Variants in TCF20 observed in about 807,000 individuals in gnomAD.
TCF20 encodes the protein transcription factor 20, also known as SPRE-binding protein.
TCF20 carries 3 observed loss-of-function variants against 148.6 expected under a neutral mutation model. The ratio of observed to expected loss-of-function variants is 0.02; its 90% CI spans 0.01 to 0.05. The LOEUF (loss-of-function observed/expected upper bound fraction) is 0.05. TCF20 is among the 10% of genes least tolerant of loss of function. TCF20 has a pLI of 1.00. For synonymous variants in TCF20, 1,049 were observed against 909.5 expected (o/e 1.15, Z -2.76); for missense variants, 2,350 against 2,429.3 (o/e 0.97, Z 0.69).
chr22:42,231,810 T>C (rs1457952241), intron 1 of TCF20, among the ~76,000 whole-genome samples: 2 of 151,364 alleles, frequency 1.3e-5, no homozygotes, highest in African/African-American at 4.9e-5. Context: ...GCACCTGTAG[T>C]CCCAGCTACT....
chr22:42,298,737 C>T (rs1927279470), intron 1 of TCF20, among the ~76,000 whole-genome samples: 2 of 152,248 alleles, frequency 1.3e-5, no homozygotes, highest in African/African-American at 4.8e-5. Flanking sequence ...TCTGCACTTG[C>T]CTTTTGTGGG....
chr22:42,327,648 A>T (rs969893732), intron 1 of TCF20, among the ~76,000 whole-genome samples: 1 of 152,046 alleles, frequency 6.6e-6, no homozygotes, highest in Non-Finnish European at 1.5e-5. Context: ...CGAGGCTCAG[A>T]GATGGCACCC....
intron 3 of TCF20, among the ~76,000 whole-genome samples, chr22:42,177,753 G>A (rs1484414978): frequency 2.0e-5 from 3 of 152,150 alleles, no homozygotes; most frequent in Non-Finnish European, 4.4e-5. Context: ...CCTGATTCCT[G>A]GCACAGACCT....
intron 1 of TCF20, among the ~76,000 whole-genome samples, chr22:42,233,486 A>C (rs1217736929): frequency 6.6e-6 from 1 of 152,208 alleles, no homozygotes; most frequent in Non-Finnish European, 1.5e-5. Context: ...TGCGTGAATA[A>C]TACCAGCTTT....
intron 5 of TCF20, among the ~76,000 whole-genome samples, chr22:42,164,170 G>T (rs1935631896): frequency 6.6e-6 from 1 of 151,524 alleles, no homozygotes; most frequent in Admixed American, 6.6e-5. Flanking sequence ...CGATGGTCAG[G>T]GTCCAAGAGC....
At chr22:42,205,810 C>T (rs892380166) in intron 2 of TCF20, among the ~76,000 whole-genome samples, 20 of 152,286 alleles carry the variant, frequency 1.3e-4, no homozygotes, top group East Asian at 9.6e-4. Context: ...CCCACTCAGT[C>T]GCCCAGGCTA....
At chr22:42,306,802 G>A (rs1169780082) in intron 1 of TCF20, among the ~76,000 whole-genome samples, 3 of 152,162 alleles carry the variant, frequency 2.0e-5, no homozygotes, top group Non-Finnish European at 4.4e-5. Context: ...ACTTTGGGAG[G>A]CCAAGGTGGG....
intron 1 of TCF20, among the ~76,000 whole-genome samples, chr22:42,251,739 G>A (rs1254998609): frequency 2.0e-5 from 3 of 151,346 alleles, no homozygotes; most frequent in African/African-American, 7.3e-5. Context: ...CTGAGCTCAA[G>A]TGATCTGCCC....
chr22:42,188,690 C>G (rs1319744235), intron 2 of TCF20, among the ~76,000 whole-genome samples: 1 of 152,168 alleles, frequency 6.6e-6, no homozygotes, highest in African/African-American at 2.4e-5. Context: ...TCTCAGGGCT[C>G]TTTTCTTTGA....
chr22:42,326,577 G>A (rs984890327), intron 1 of TCF20, among the ~76,000 whole-genome samples: 1 of 152,202 alleles, frequency 6.6e-6, no homozygotes, highest in Non-Finnish European at 1.5e-5. Context: ...GGGTAAGGAT[G>A]GGGGCCACCA....
chr22:42,342,868 T>C (rs551407913), intron 1 of TCF20, among the ~76,000 whole-genome samples: 1 of 152,258 alleles, frequency 6.6e-6, no homozygotes, highest in South Asian at 2.1e-4. Context: ...TTCCCTAGGC[T>C]GGACACCCAA....
intron 1 of TCF20, among the ~76,000 whole-genome samples, chr22:42,330,350 CG>C (rs992464454): frequency 6.6e-6 from 1 of 152,168 alleles, no homozygotes; most frequent in Admixed American, 6.5e-5. Flanking sequence ...GCAGTGTCCC[CG>C]GGTGCCCAAC....
chr22:42,274,186 A>T (rs2147009282), upstream of TCF20: 1 of 152,838 alleles, frequency 6.5e-6, no homozygotes, highest in Non-Finnish European at 1.5e-5. Flanking sequence ...GTCTGCCAGG[A>T]GGCAACTTAC....
chr22:42,287,249 G>A (rs866665717), upstream of TCF20, among the ~76,000 whole-genome samples: 23 of 152,282 alleles, frequency 1.5e-4, no homozygotes, highest in Middle Eastern at 3.4e-3. Flanking sequence ...GGAGCACCAC[G>A]CCTTTGTTCT....
intron 1 of TCF20, among the ~76,000 whole-genome samples, chr22:42,221,458 A>G (rs1214835722): frequency 2.0e-5 from 3 of 152,194 alleles, no homozygotes; most frequent in Non-Finnish European, 4.4e-5. Flanking sequence ...CCTGACTGAT[A>G]AGAGTTCTTC....
At position 42,195,586 on chromosome 22, in the gene TCF20, C is replaced by T. The variant is rs528053732; in HGVS notation, c.5655+14065G>A. ...CGCGATCTCAGCTCACTGCAACCTC[C>T]ACCTCCCGGTTCAAGCGATTCTCCC... On this transcript the variant is annotated intron_variant, in intron 2 of 5. Coordinates refer to ENST00000677622, the MANE Select transcript of TCF20 (RefSeq NM_001378418.1). Among the ~76,000 whole-genome samples, 657 of 151,790 alleles carry T rather than the reference C, an allele frequency of 4.3e-3. 7 individuals are homozygous for T. The highest frequency in any genetic ancestry group is 0.015 in the African/African-American group (634 of 41,386).
chr22:42,277,906 T>C (rs1303197215), intron 1 of TCF20, among the ~76,000 whole-genome samples: 1 of 152,212 alleles, frequency 6.6e-6, no homozygotes, highest in Non-Finnish European at 1.5e-5. Flanking sequence ...GGTCTTCAGC[T>C]TCATCCTCAT....
chr22:42,175,047 A>G (rs999466085), intron 3 of TCF20, among the ~76,000 whole-genome samples: 1 of 152,078 alleles, frequency 6.6e-6, no homozygotes. Context: ...AAAACAAAAA[A>G]AAAAAGCCAT....
intron 1 of TCF20, among the ~76,000 whole-genome samples, chr22:42,321,987 C>A (rs1332802827): frequency 6.6e-6 from 1 of 151,288 alleles, no homozygotes; most frequent in Non-Finnish European, 1.5e-5. Flanking sequence ...AGTAGGGAGA[C>A]TAACACCTAC....
Sources: gnomAD v4.1 joint callset for allele counts (sites outside exome capture counted in the v4.1 genomes callset) on GRCh38, gnomAD v4.1.1 for gene constraint, MANE v1.5 for transcripts, NCBI Gene and HGNC (gene_info 2026-07-23, HGNC 2026-07-21) for gene names.